The following NR1H4 variants were observed in gnomAD, a reference collection of about 807,000 sequenced individuals.
NR1H4 encodes the protein nuclear receptor subfamily 1 group H member 4, also known as bile acid receptor.
Under a neutral mutation model 58.5 loss-of-function variants are expected in NR1H4, and 23 were observed. The observed-to-expected ratio is 0.39, with a 90% CI of 0.28 to 0.56. The LOEUF (loss-of-function observed/expected upper bound fraction) is 0.56, where lower values mean the gene tolerates loss of function less well. NR1H4 is among the 20% of genes least tolerant of loss of function. NR1H4 has a pLI of 0.58. For missense variants in NR1H4, 487 were observed against 576.9 expected, an observed-to-expected ratio of 0.84 and a Z score of 1.60; for synonymous variants, 214 against 198.0, an observed-to-expected ratio of 1.08 and a Z score of -0.68.
chr12:100,492,942 GTT>G (rs574150191), intron 2 of NR1H4, among the ~76,000 whole-genome samples: 1 of 149,778 alleles, frequency 6.7e-6, no homozygotes, highest in South Asian at 2.1e-4. Context: ...TTTTATATTT[GTT>G]TTTTTTTCTA....
chr12:100,561,807 T>C (rs1955481225), intron 9 of NR1H4, 78 bp from the exon 10 acceptor site: 1 of 740,102 alleles, frequency 1.4e-6, no homozygotes, highest in Admixed American at 1.9e-5. Flanking sequence ...ACCATGTGTT[T>C]ATATGTATAA....
chr12:100,505,533 C>T, intron 3 of NR1H4: 1 of 696,402 alleles, frequency 1.4e-6, no homozygotes, highest in Non-Finnish European at 2.6e-6. Flanking sequence ...GGTGTTGAAA[C>T]CTGGAGACTG....
chr12:100,537,033 C>A lies in NR1H4; in HGVS notation c.917C>A (p.Thr306Lys). The change falls in exon 8 of 11, where the codon ACA (threonine) becomes AAA (lysine). Residue 306 changes from threonine (T) to lysine (K), a missense_variant. Physicochemically the swap from Thr to Lys is moderately conservative, Grantham distance 78. Transcript: ENST00000392986. ...TNHVQVLVEF[T>K]KKLPGFQTLD... is the part of the protein sequence containing the mutation. ...CATGTACAGGTTCTTGTAGAATTCACAAAAAAGCTACCAGGTATTTTTTAA... is the reference window on the plus strand; with the variant it reads ...CATGTACAGGTTCTTGTAGAATTCAAAAAAAAGCTACCAGGTATTTTTTAA... 1 of 1,594,740 alleles carries A rather than the reference C, an allele frequency of 6.3e-7. No homozygotes were observed. Among genetic ancestry groups the A allele is most frequent in the Non-Finnish European group, 8.6e-7 (1 of 1,167,746 alleles).
intron 3 of NR1H4, among the ~76,000 whole-genome samples, chr12:100,495,716 A>C (rs1441054823): frequency 1.3e-5 from 2 of 151,844 alleles, no homozygotes; most frequent in Non-Finnish European, 2.9e-5. Flanking sequence ...TGACAGAGTG[A>C]GGCTCCAACT....
At chr12:100,508,637 TAG>T (rs1278447125) in intron 3 of NR1H4, among the ~76,000 whole-genome samples, 2 of 152,098 alleles carry the variant, frequency 1.3e-5, no homozygotes, top group Non-Finnish European at 2.9e-5. Context: ...ACCCACCTCA[TAG>T]AGTTTTGTGA....
At chr12:100,536,421 C>A in intron 6 of NR1H4, 91 bp from the exon 7 acceptor site, 1 of 710,796 alleles carries the variant, frequency 1.4e-6, no homozygotes, top group Non-Finnish European at 2.5e-6. Context: ...TTTATGATTT[C>A]TGCTATTAGG....
chr12:100,542,328 C>T (rs1954957275), intron 9 of NR1H4, among the ~76,000 whole-genome samples: 1 of 151,930 alleles, frequency 6.6e-6, no homozygotes. Context: ...GCCTGGGCAA[C>T]AGAGTGAGAC....
intron 3 of NR1H4, among the ~76,000 whole-genome samples, chr12:100,505,173 T>TTG (rs1313439623): frequency 6.6e-6 from 1 of 152,196 alleles, no homozygotes; most frequent in Non-Finnish European, 1.5e-5. Flanking sequence ...ATGGTCAGCA[T>TTG]TGTGCCAGGA....
At chr12:100,516,336 T>C (rs1299407239) in intron 4 of NR1H4, among the ~76,000 whole-genome samples, 2 of 152,118 alleles carry the variant, frequency 1.3e-5, no homozygotes, top group Non-Finnish European at 2.9e-5. Flanking sequence ...ATACATACTT[T>C]TGAACCTACA....
At chr12:100,482,332 A>G (rs1433459144) in intron 1 of NR1H4, among the ~76,000 whole-genome samples, 1 of 151,952 alleles carries the variant, frequency 6.6e-6, no homozygotes, top group Non-Finnish European at 1.5e-5. Context: ...TCTTGTGTGT[A>G]TTGTGTTGTA....
Position 100,546,218 on chromosome 12 carries a change from G to A in NR1H4, c.1078+5400G>A, listed in dbSNP as rs535215475. On this transcript the variant is annotated intron_variant, in intron 9 of 10. Transcript: ENST00000392986. ...CTCCATGGCTAACATTTTGCTTCAC[G>A]AAAAATATTGTTTGCTCTTTGTAGC... Among the ~76,000 whole-genome samples, 12 of 152,216 alleles carry A rather than the reference G, an allele frequency of 7.9e-5. No individual in the cohort carries two copies. In the South Asian group the frequency reaches 1.5e-3, roughly 18 times the overall value.
At chr12:100,528,088 CTGTA>C (rs1954606647) in intron 4 of NR1H4, among the ~76,000 whole-genome samples, 1 of 152,182 alleles carries the variant, frequency 6.6e-6, no homozygotes, top group Admixed American at 6.5e-5. Flanking sequence ...TTTTAAAAGC[CTGTA>C]GACCCTTAAA....
chr12:100,547,153 T>G (rs1402478840), intron 9 of NR1H4, among the ~76,000 whole-genome samples: 7 of 152,140 alleles, frequency 4.6e-5, no homozygotes, highest in Non-Finnish European at 1.0e-4. Flanking sequence ...TGAGAAAAGG[T>G]GTCTTTCAAG....
Position 100,533,890 on chromosome 12 carries a change from C to CT in NR1H4, c.599-986dup, listed in dbSNP as rs758465149. Among the ~76,000 whole-genome samples, 890 of 143,350 alleles carry CT rather than the reference C, an allele frequency of 6.2e-3. 6 individuals are homozygous for CT. The highest frequency in any genetic ancestry group is 6.9e-3 in the Admixed American group (100 of 14,396). The allele number at this position is 143,350 out of a possible 152,430, so 94.0% of individuals were successfully genotyped here. A position where few individuals can be genotyped will look rare whatever the true frequency, so the allele number is the denominator to read the frequency against. On this transcript the variant is annotated intron_variant, in intron 5 of 10. Coordinates refer to ENST00000392986, the MANE Select transcript of NR1H4 (RefSeq NM_001206979.2). ...GTTTTACATTATTTTTAATAGCTCTCTTTTTTTTTTTTTTGTTGAGACGGA... is the reference window on the plus strand; with the variant it reads ...GTTTTACATTATTTTTAATAGCTCTCTTTTTTTTTTTTTTTGTTGAGACGGA...
intron 7 of NR1H4, 69 bp downstream of exon 7, chr12:100,536,679 G>A: frequency 1.1e-6 from 1 of 881,942 alleles, no homozygotes; most frequent in South Asian, 1.4e-5. Context: ...TGCCTTGGAG[G>A]TATAATTTAT....
intron 9 of NR1H4, among the ~76,000 whole-genome samples, chr12:100,547,522 G>C (rs1955098920): frequency 6.6e-6 from 1 of 152,070 alleles, no homozygotes; most frequent in Non-Finnish European, 1.5e-5. Context: ...CTGAGTCTGG[G>C]TCAGAATTGA....
rs1954094156 is a variant in NR1H4 at position 100,510,862 on chromosome 12, C to G, written c.164C>G (p.Pro55Arg). The change falls in exon 4 of 11, where the codon CCC becomes CGC. Residue 55 changes from proline (P) to arginine (R), a missense_variant. Coordinates refer to ENST00000392986, the MANE Select transcript of NR1H4 (RefSeq NM_001206979.2). The stretch of plus-strand genomic sequence containing the variant: ...TCGCAATACAGCAATGTTCAGTTTC[C>G]CCAAGTTCAACCACAGATTTCCTCG... The part of the protein sequence containing the change: ...PYSQYSNVQF[P>R]QVQPQISSSS... 1.9e-6 allele frequency: 3 copies of G among 1,614,130 alleles called. No individual in the cohort carries two copies. The highest frequency in any genetic ancestry group is 2.5e-6 in the Non-Finnish European group (3 of 1,180,040).
intron 3 of NR1H4, among the ~76,000 whole-genome samples, chr12:100,496,689 G>T (rs565164267): frequency 1.3e-5 from 2 of 152,248 alleles, no homozygotes; most frequent in East Asian, 3.9e-4. Flanking sequence ...GTACTCACTT[G>T]GTACACGGCT....
chr12:100,554,392 A>AACACACACACACACACACAC (rs60582622), intron 9 of NR1H4, among the ~76,000 whole-genome samples: 1 of 148,000 alleles, frequency 6.8e-6, no homozygotes, highest in African/African-American at 2.5e-5. Flanking sequence ...ACTTGTAAAT[A>AACACACACACACACACACAC]ACACACACAC....
Sources: gnomAD v4.1 joint callset for allele counts (sites outside exome capture counted in the v4.1 genomes callset) on GRCh38, gnomAD v4.1.1 for gene constraint, MANE v1.5 for transcripts, NCBI Gene and HGNC (gene_info 2026-07-23, HGNC 2026-07-21) for gene names.